Variants in SAMD5 observed in about 807,000 individuals in gnomAD.
SAMD5 encodes the protein sterile alpha motif domain-containing protein 5.
A neutral mutation model predicts 11.3 loss-of-function variants in SAMD5; 13 were observed. The ratio of observed to expected loss-of-function variants is 1.15; its 90% CI spans 0.75 to 1.83. SAMD5 has a LOEUF of 1.83. SAMD5 is among the 40% of genes most tolerant of loss of function. The probability of loss-of-function intolerance (pLI) is 0.00; values close to 1 mark genes in which losing one functional copy is unlikely to be tolerated. For missense variants in SAMD5, 255 were observed against 239.1 expected, an observed-to-expected ratio of 1.07 and a Z score of -0.44; for synonymous variants, 129 against 111.3, an observed-to-expected ratio of 1.16 and a Z score of -1.00.
chr6:147,867,769 C>A, the SAMD5 span, among the ~76,000 whole-genome samples: 1 of 152,144 alleles, frequency 6.6e-6, no homozygotes, highest in African/African-American at 2.4e-5. Context: ...TATTGTACTT[C>A]CATCAGATTC....
the SAMD5 span, among the ~76,000 whole-genome samples, chr6:147,920,479 C>A: frequency 6.6e-6 from 1 of 152,164 alleles, no homozygotes; most frequent in Non-Finnish European, 1.5e-5. Flanking sequence ...CCTCAGCTTG[C>A]AGATGGCCTA....
At chr6:147,939,740 C>A in the SAMD5 span, among the ~76,000 whole-genome samples, 6 of 152,094 alleles carry the variant, frequency 3.9e-5, no homozygotes, top group East Asian at 1.2e-3. Context: ...TCCCAGACAA[C>A]AAAGTGGTTC....
chr6:147,531,155 GTTTTT>G (rs59924294), intron 1 of SAMD5, among the ~76,000 whole-genome samples: 1 of 143,898 alleles, frequency 6.9e-6, no homozygotes, highest in Non-Finnish European at 1.5e-5. Flanking sequence ...AGTCTTAAAA[GTTTTT>G]TTTTTTTTTT....
chr6:147,737,040 T>C (rs1423472286), intron 1 of SAMD5, among the ~76,000 whole-genome samples: 1 of 152,130 alleles, frequency 6.6e-6, no homozygotes, highest in Non-Finnish European at 1.5e-5. Context: ...ATGAGGAGAT[T>C]GATTTATGAT....
At chr6:147,775,335 A>C in the SAMD5 span, among the ~76,000 whole-genome samples, 2 of 152,276 alleles carry the variant, frequency 1.3e-5, no homozygotes, top group Admixed American at 1.3e-4. Flanking sequence ...GCATCTACCC[A>C]AAAGGTTGTC....
chr6:147,828,805 T>A, the SAMD5 span, among the ~76,000 whole-genome samples: 4 of 152,294 alleles, frequency 2.6e-5, no homozygotes, highest in African/African-American at 9.6e-5. Context: ...TGGCCACACC[T>A]GGGAGATTTT....
the SAMD5 span, among the ~76,000 whole-genome samples, chr6:147,937,347 A>T: frequency 4.0e-4 from 61 of 152,314 alleles, 3 homozygotes; most frequent in South Asian, 0.012. Flanking sequence ...AGGCATGCTT[A>T]TGTCATCTGT....
chr6:147,910,238 C>T, the SAMD5 span, among the ~76,000 whole-genome samples: 2 of 152,032 alleles, frequency 1.3e-5, no homozygotes, highest in Non-Finnish European at 2.9e-5. Flanking sequence ...CCTGGGGACC[C>T]TCAGTTCTCA....
At chr6:147,942,370 A>C in the SAMD5 span, among the ~76,000 whole-genome samples, 1 of 152,342 alleles carries the variant, frequency 6.6e-6, no homozygotes, top group South Asian at 2.1e-4. Context: ...GGACTCCCTG[A>C]AAAGATGCAA....
chr6:147,591,825 G>A (rs1442704018), intron 1 of SAMD5, among the ~76,000 whole-genome samples: 2 of 151,880 alleles, frequency 1.3e-5, no homozygotes, highest in African/African-American at 4.8e-5. Context: ...TGACCCCCAG[G>A]GAAGCACCTC....
intron 1 of SAMD5, among the ~76,000 whole-genome samples, chr6:147,688,874 C>T (rs1036293616): frequency 1.4e-4 from 22 of 152,174 alleles, no homozygotes; most frequent in Admixed American, 9.2e-4. Context: ...GGTCAAAATC[C>T]TGGCTTCATT....
At chr6:147,913,190 T>C in the SAMD5 span, among the ~76,000 whole-genome samples, 1 of 152,006 alleles carries the variant, frequency 6.6e-6, no homozygotes, top group Admixed American at 6.6e-5. Context: ...TAAATGAATA[T>C]CCCAACCACA....
At chr6:147,764,054 G>A in the SAMD5 span, among the ~76,000 whole-genome samples, 1 of 152,296 alleles carries the variant, frequency 6.6e-6, no homozygotes, top group East Asian at 1.9e-4. Flanking sequence ...AAAAAGAAAA[G>A]CCCTTAAGTC....
chr6:147,631,332 G>A (rs1229809274), intron 1 of SAMD5, among the ~76,000 whole-genome samples: 1 of 152,202 alleles, frequency 6.6e-6, no homozygotes, highest in African/African-American at 2.4e-5. Flanking sequence ...ATTAGAGAGT[G>A]CCCAAGGGGG....
chr6:147,887,114 C>A, the SAMD5 span, among the ~76,000 whole-genome samples: 13 of 152,014 alleles, frequency 8.6e-5, no homozygotes, highest in African/African-American at 3.1e-4. Context: ...CAATAGATAA[C>A]AAATACAGTC....
intron 1 of SAMD5, among the ~76,000 whole-genome samples, chr6:147,590,901 G>A (rs1789442793): frequency 6.6e-6 from 1 of 152,080 alleles, no homozygotes; most frequent in East Asian, 1.9e-4. Context: ...TTTAAAATGT[G>A]GTCAAGGACT....
the SAMD5 span, among the ~76,000 whole-genome samples, chr6:147,861,211 C>T: frequency 6.6e-6 from 1 of 151,882 alleles, no homozygotes; most frequent in African/African-American, 2.4e-5. Context: ...GTCACTCAGG[C>T]TGGAGTGCAA....
chr6:147,692,025 GA>G (rs1791111698), intron 1 of SAMD5, among the ~76,000 whole-genome samples: 1 of 151,946 alleles, frequency 6.6e-6, no homozygotes. Context: ...TACTAAACAT[GA>G]TTTGTCCACA....
chr6:147,733,871 G>A, intron 1 of SAMD5: 1 of 286,798 alleles, frequency 3.5e-6, no homozygotes, highest in Non-Finnish European at 5.2e-6. Context: ...AGCTGGAAAA[G>A]CGCCATTCCC....
Sources: gnomAD v4.1 joint callset for allele counts (sites outside exome capture counted in the v4.1 genomes callset) on GRCh38, gnomAD v4.1.1 for gene constraint, MANE v1.5 for transcripts, NCBI Gene and HGNC (gene_info 2026-07-23, HGNC 2026-07-21) for gene names.